The following USP4 variants were observed in gnomAD, a reference collection of about 807,000 sequenced individuals.
USP4 encodes ubiquitin carboxyl-terminal hydrolase 4.
In USP4, 72 loss-of-function variants were observed where a neutral mutation model predicts 118.2. The observed-to-expected ratio is 0.61, with a 90% CI of 0.50 to 0.74. USP4 has a LOEUF of 0.74. Ranked by LOEUF, USP4 falls within the 30% of genes least tolerant of loss-of-function variation. The pLI is 0.00. For missense variants in USP4, 1,037 were observed against 1,185.7 expected (o/e 0.87, Z 1.84); for synonymous variants, 415 against 440.4 (o/e 0.94, Z 0.72).
chr3:49,335,660 C>T (rs552046391), intron 1 of USP4, 64 bp from the exon 2 acceptor site: 2 of 1,590,358 alleles, frequency 1.3e-6, no homozygotes, highest in South Asian at 2.2e-5. Context: ...GCAGCTGCTT[C>T]CTTAATCTTT....
At chr3:49,291,401 C>A (rs1306515683) in intron 15 of USP4, among the ~76,000 whole-genome samples, 7 of 149,972 alleles carry the variant, frequency 4.7e-5, no homozygotes, top group East Asian at 2.0e-4. Context: ...ATGGTGAAAA[C>A]CCATCTCTAC....
At chr3:49,318,506 C>T in intron 6 of USP4, 3 of 985,420 alleles carry the variant, frequency 3.0e-6, no homozygotes, top group Non-Finnish European at 3.6e-6. Flanking sequence ...TACACAAACC[C>T]TTGAGAAACT....
In USP4 at chr3:49,294,790, G is replaced by T. The variant is rs118002528; in HGVS notation, c.1692-192C>A. On this transcript the variant is annotated intron_variant, in intron 13 of 21. Transcript: ENST00000265560. ...GGAATCCCTAGAAGGACCATTGTCAGCACAATGTGAACCTATACAACCTGG... is the reference window on the plus strand; with the variant it reads ...GGAATCCCTAGAAGGACCATTGTCATCACAATGTGAACCTATACAACCTGG... 1.1e-4 allele frequency among the ~76,000 whole-genome samples: 17 copies of T among 152,336 alleles called. No homozygotes were observed. In the East Asian group the frequency reaches 2.3e-3, roughly 21 times the overall value.
At position 49,295,708 on chromosome 3, in the gene USP4, G is replaced by A. The variant is rs549819054; in HGVS notation, c.1692-1110C>T. On this transcript the variant is annotated intron_variant, in intron 13 of 21. Coordinates refer to ENST00000265560, the MANE Select transcript of USP4 (RefSeq NM_003363.4). Reference sequence around the variant, plus strand: ...ACTAAACATATGCACGTGTGCGCGCGCGCGCGCACACACACACACACACAC... The same window carrying A: ...ACTAAACATATGCACGTGTGCGCGCACGCGCGCACACACACACACACACAC... 1.3e-3 allele frequency among the ~76,000 whole-genome samples: 185 copies of A among 138,884 alleles called. 1 individual carries two copies. Among genetic ancestry groups the A allele is most frequent in the African/African-American group, 4.1e-3 (125 of 30,250 alleles). 91.1% of individuals were successfully genotyped at this position (138,884 alleles called of 152,430 possible).
chr3:49,339,578 C>T (rs2047713384), intron 1 of USP4, among the ~76,000 whole-genome samples: 1 of 152,162 alleles, frequency 6.6e-6, no homozygotes, highest in African/African-American at 2.4e-5. Flanking sequence ...GTGAGGAATC[C>T]AGGTCTGTGA....
chr3:49,325,593 C>A lies in USP4; in HGVS notation c.487+126G>T, dbSNP rs1003871480. ...GCCCCCAGGTCAGGACTGGCAACTA[C>A]AGCTCGAGATGATTTGGGTAACAAA... On this transcript the variant is annotated intron_variant, in intron 4 of 21. Coordinates refer to ENST00000265560, the MANE Select transcript of USP4 (RefSeq NM_003363.4). The A allele has an allele frequency of 3.5e-6, 5 of 1,420,796 alleles. No individual in the cohort carries two copies. In the African/African-American group the frequency reaches 7.1e-5, roughly 20 times the overall value. 88.0% of individuals were successfully genotyped at this position (1,420,796 alleles called of 1,614,324 possible).
intron 12 of USP4, 119 bp downstream of exon 12, chr3:49,298,433 A>G: frequency 1.1e-6 from 1 of 885,182 alleles, no homozygotes; most frequent in Non-Finnish European, 1.9e-6. Flanking sequence ...ACACACAAAT[A>G]ATCACATTTG....
chr3:49,315,504 T>C (rs888043209), intron 6 of USP4, among the ~76,000 whole-genome samples: 1 of 152,092 alleles, frequency 6.6e-6, no homozygotes, highest in Non-Finnish European at 1.5e-5. Flanking sequence ...GGCTGGAATA[T>C]AGGAAGCCAG....
At chr3:49,297,822 G>A in intron 13 of USP4, 48 bp downstream of exon 13, 2 of 1,448,980 alleles carry the variant, frequency 1.4e-6, no homozygotes, top group Non-Finnish European at 1.9e-6. Flanking sequence ...AAAGTCTCTA[G>A]AATGTGTCCT....
At chr3:49,318,253 G>T in intron 6 of USP4, 1 of 906,940 alleles carries the variant, frequency 1.1e-6, no homozygotes, top group Non-Finnish European at 1.3e-6. Context: ...ACAGGCATGA[G>T]CCACCAGTGC....
chr3:49,334,945 C>G (rs2047654007), intron 2 of USP4, among the ~76,000 whole-genome samples: 1 of 152,198 alleles, frequency 6.6e-6, no homozygotes, highest in South Asian at 2.1e-4. Context: ...TGCAAGCAAG[C>G]TCTAGTGTGT....
chr3:49,316,782 G>A (rs985974356), intron 6 of USP4: 1 of 463,708 alleles, frequency 2.2e-6, no homozygotes, highest in Admixed American at 3.7e-5. Context: ...GGACCTCCAT[G>A]GTGCTCAGAC....
chr3:49,295,047 TG>T (rs2047188232), intron 13 of USP4, among the ~76,000 whole-genome samples: 1 of 152,102 alleles, frequency 6.6e-6, no homozygotes, highest in African/African-American at 2.4e-5. Context: ...CCCAGCACTT[TG>T]GGAGGCCAAG....
intron 11 of USP4, among the ~76,000 whole-genome samples, chr3:49,299,919 G>A (rs1057513758): frequency 6.6e-6 from 1 of 151,794 alleles, no homozygotes; most frequent in African/African-American, 2.4e-5. Context: ...AGTAGATCAG[G>A]TTACTTTAGT....
chr3:49,302,376 T>C lies in USP4; in HGVS notation c.1287+8A>G, dbSNP rs756449101. The C allele has an allele frequency of 1.4e-4, 229 of 1,613,148 alleles. No homozygotes were observed. Among genetic ancestry groups the C allele is most frequent in the Non-Finnish European group, 1.8e-4 (215 of 1,179,734 alleles). On this transcript the variant is annotated splice_region_variant and intron_variant, in intron 10 of 21. Transcript: ENST00000265560. ...CATATTATCATTCAGACATCATTAA[T>C]GGCATACCGCATCTGGCCGCCCATT... is the stretch of plus-strand genomic sequence containing the variant.
rs1237904677 is a variant in USP4 at position 49,292,617 on chromosome 3, A to G, written c.1884-19T>C. ...ATAGCGGCTTCAAAAAGAGAAAAAG[A>G]GAAGAAAAAAAAGATTGTTAGTTGT... is the stretch of plus-strand genomic sequence containing the variant. On this transcript the variant is annotated intron_variant, in intron 14 of 21. Transcript: ENST00000265560. 4 of 1,520,936 alleles carry G rather than the reference A, an allele frequency of 2.6e-6. No individual in the cohort carries two copies. Among genetic ancestry groups the G allele is most frequent in the Non-Finnish European group, 3.6e-6 (4 of 1,126,578 alleles). 94.2% of individuals were successfully genotyped at this position (1,520,936 alleles called of 1,614,324 possible).
At chr3:49,281,441 G>C in intron 19 of USP4, among the ~76,000 whole-genome samples, 1 of 150,686 alleles carries the variant, frequency 6.6e-6, no homozygotes, top group African/African-American at 2.4e-5. Flanking sequence ...GGGCAACAGA[G>C]CGAGACTCCG....
At position 49,283,256 on chromosome 3, in the gene USP4, T is replaced by C. The variant is rs529038991; in HGVS notation, c.2540+731A>G. Among the ~76,000 whole-genome samples the C allele has an allele frequency of 8.0e-3, 1,192 of 148,704 alleles. 17 individuals are homozygous for C. Among genetic ancestry groups the C allele is most frequent in the African/African-American group, 0.027 (1,084 of 40,310 alleles). ...GTCTCGATCTCCAGACCTTGTGATC[T>C]GCCCACCTTGGCCTCCCAAAGTGCT... On this transcript the variant is annotated intron_variant, in intron 19 of 21. Transcript: ENST00000265560.
At chr3:49,333,834 A>G (rs990382779) in intron 2 of USP4, among the ~76,000 whole-genome samples, 1 of 152,114 alleles carries the variant, frequency 6.6e-6, no homozygotes, top group African/African-American at 2.4e-5. Context: ...AGCCTGACCA[A>G]CATGGAGAAA....
Sources: gnomAD v4.1 joint callset for allele counts (sites outside exome capture counted in the v4.1 genomes callset) on GRCh38, gnomAD v4.1.1 for gene constraint, MANE v1.5 for transcripts, NCBI Gene and HGNC (gene_info 2026-07-23, HGNC 2026-07-21) for gene names.